Variants in SOS1 observed in about 807,000 individuals in gnomAD.
SOS1 encodes the protein son of sevenless homolog 1.
Under a neutral mutation model 157.6 loss-of-function variants are expected in SOS1, and 25 were observed. The observed-to-expected ratio is 0.16, with a 90% CI of 0.12 to 0.22. The LOEUF (loss-of-function observed/expected upper bound fraction) is 0.22, where lower values mean the gene tolerates loss of function less well. SOS1 is among the 10% of genes least tolerant of loss of function. SOS1 has a pLI of 1.00. For synonymous variants in SOS1, 528 were observed against 534.0 expected (o/e 0.99, Z 0.16); for missense variants, 1,237 against 1,599.1 (o/e 0.77, Z 3.86).
chr2:38,983,812 G>A lies in SOS1; in HGVS notation c.*2012C>T, dbSNP rs1373565284. The A allele has an allele frequency of 6.6e-6, 1 of 152,120 alleles. No individual in the cohort carries two copies. 9.4% of individuals were successfully genotyped at this position (152,120 alleles called of 1,614,324 possible). A position where few individuals can be genotyped will look rare whatever the true frequency, so the allele number is the denominator to read the frequency against. On this transcript the variant is annotated 3_prime_UTR_variant, in exon 23 of 23. Coordinates refer to ENST00000402219, the MANE Select transcript of SOS1 (RefSeq NM_005633.4). ...TAGTAAGTTGGCTCACATAAATACTGTTGAATGGATGGTCTTAGGGACACT... is the reference window on the plus strand; with the variant it reads ...TAGTAAGTTGGCTCACATAAATACTATTGAATGGATGGTCTTAGGGACACT...
chr2:39,118,230 G>A (rs1212660648), intron 1 of SOS1, among the ~76,000 whole-genome samples: 2 of 152,104 alleles, frequency 1.3e-5, no homozygotes, highest in East Asian at 3.9e-4. Flanking sequence ...AAGGATGAAG[G>A]GACTAGCATA....
intron 1 of SOS1, among the ~76,000 whole-genome samples, chr2:39,110,997 G>A (rs1673411854): frequency 6.6e-6 from 1 of 152,048 alleles, no homozygotes; most frequent in South Asian, 2.1e-4. Context: ...CTTTGGGAGG[G>A]CGAGGCAGGT....
chr2:39,086,550 CCCTAT>C (rs1452094919), intron 1 of SOS1, among the ~76,000 whole-genome samples: 2 of 152,096 alleles, frequency 1.3e-5, no homozygotes, highest in Non-Finnish European at 2.9e-5. Context: ...TCATATAATG[CCCTAT>C]CCTATCAAAA....
At chr2:39,057,160 G>C (rs1671241421) in intron 3 of SOS1, among the ~76,000 whole-genome samples, 1 of 152,156 alleles carries the variant, frequency 6.6e-6, no homozygotes, top group African/African-American at 2.4e-5. Context: ...TTGGGGAAGG[G>C]AGCAAATGCT....
intron 2 of SOS1, among the ~76,000 whole-genome samples, chr2:39,063,502 T>C (rs559075796): frequency 2.0e-5 from 3 of 152,366 alleles, no homozygotes; most frequent in East Asian, 1.9e-4. Context: ...CACTGCCTGA[T>C]GGTAAATACT....
At position 38,997,055 on chromosome 2, in the gene SOS1, G is replaced by A; in HGVS notation, c.2965-17C>T. Reference sequence around the variant, plus strand: ...AAAGAACCTCTAAAATAAATGCAAAGAAAAAATTATTAATATTCAAAATTA... The same window carrying A: ...AAAGAACCTCTAAAATAAATGCAAAAAAAAAATTATTAATATTCAAAATTA... On this transcript the variant is annotated splice_polypyrimidine_tract_variant and intron_variant, in intron 18 of 22. Coordinates refer to ENST00000402219, the MANE Select transcript of SOS1 (RefSeq NM_005633.4). 1 of 1,320,772 alleles carries A rather than the reference G, an allele frequency of 7.6e-7. No homozygotes were observed. The highest frequency in any genetic ancestry group is 1.7e-5 in the Admixed American group (1 of 58,222). The allele number at this position is 1,320,772 out of a possible 1,614,324, so 81.8% of individuals were successfully genotyped here.
At chr2:39,082,543 G>A (rs1488605509) in intron 1 of SOS1, 1 of 152,150 alleles carries the variant, frequency 6.6e-6, no homozygotes, top group African/African-American at 2.4e-5. Context: ...ATTTATTAGA[G>A]TACAGGTTGA....
chr2:38,997,135 T>G, intron 18 of SOS1, 97 bp from the exon 19 acceptor site: 1 of 1,056,684 alleles, frequency 9.5e-7, no homozygotes, highest in African/African-American at 1.6e-5. Context: ...ACAAGTAAAT[T>G]TGAATTATTT....
chr2:39,120,187 G>C, intron 1 of SOS1, 149 bp downstream of exon 1: 1 of 619,082 alleles, frequency 1.6e-6, no homozygotes, highest in Non-Finnish European at 2.5e-6. Flanking sequence ...AGCCGTATGA[G>C]GGGGGCCTCT....
chr2:39,021,321 A>G (rs1050154960), intron 10 of SOS1, among the ~76,000 whole-genome samples: 3 of 151,606 alleles, frequency 2.0e-5, no homozygotes, highest in African/African-American at 7.2e-5. Flanking sequence ...TCCCCAGACA[A>G]TAGTTGTAAC....
rs191060930 is a variant in SOS1 at position 39,081,697 on chromosome 2, C to T, written c.88-13944G>A. Among the ~76,000 whole-genome samples the T allele has an allele frequency of 7.9e-3, 1,204 of 151,674 alleles. 17 individuals carry two copies. The highest frequency in any genetic ancestry group is 0.028 in the African/African-American group (1,160 of 41,310). ...AAAATTAGCCAGGCTTGGCGGCGGG[C>T]GCCTGTAATCCCAGCTACTTGGAAG... On this transcript the variant is annotated intron_variant, in intron 1 of 22. Coordinates refer to ENST00000402219, the MANE Select transcript of SOS1 (RefSeq NM_005633.4).
At chr2:39,001,923 C>T (rs1319232819) in intron 17 of SOS1, among the ~76,000 whole-genome samples, 3 of 152,188 alleles carry the variant, frequency 2.0e-5, no homozygotes, top group East Asian at 3.8e-4. Flanking sequence ...TATCAAACTA[C>T]CTACATGTTT....
intron 1 of SOS1, among the ~76,000 whole-genome samples, chr2:39,115,918 T>G (rs1468191740): frequency 6.6e-6 from 1 of 152,184 alleles, no homozygotes; most frequent in East Asian, 1.9e-4. Flanking sequence ...CTTACACATC[T>G]AGAAGTTCCA....
At chr2:38,993,001 T>A (rs941944322) in intron 20 of SOS1, 7 of 151,778 alleles carry the variant, frequency 4.6e-5, no homozygotes, top group African/African-American at 1.5e-4. Context: ...TTTGGAAGGT[T>A]AAGGCAGGAG....
Position 38,985,692 on chromosome 2 carries a change from T to C in SOS1, c.*132A>G, listed in dbSNP as rs1223702498. The C allele has an allele frequency of 5.8e-6, 6 of 1,030,884 alleles. No individual in the cohort carries two copies. Among genetic ancestry groups the C allele is most frequent in the African/African-American group, 1.6e-5 (1 of 63,464 alleles). 63.9% of individuals were successfully genotyped at this position (1,030,884 alleles called of 1,614,324 possible). On this transcript the variant is annotated 3_prime_UTR_variant, in exon 23 of 23. Transcript: ENST00000402219. ...ATCTAGGTTAAAATTCATTGTCTTA[T>C]ACTGCATCTTGAAGAAGAGTCGTTA... is the stretch of plus-strand genomic sequence containing the variant.
rs181871438 is a variant in SOS1, at chr2:39,081,700, C to T, written c.88-13947G>A. Among the ~76,000 whole-genome samples, 77 of 152,030 alleles carry T rather than the reference C, an allele frequency of 5.1e-4. 4 individuals carry two copies. In the East Asian group the frequency reaches 0.015, roughly 29 times the overall value. On this transcript the variant is annotated intron_variant, in intron 1 of 22. Transcript: ENST00000402219. ...ATTAGCCAGGCTTGGCGGCGGGCGC[C>T]TGTAATCCCAGCTACTTGGAAGGCT...
chr2:39,007,410 A>C (rs988680544), intron 15 of SOS1: 7 of 541,370 alleles, frequency 1.3e-5, no homozygotes, highest in African/African-American at 1.1e-4. Flanking sequence ...ACAGTCAAAC[A>C]ATCATTTTCC....
chr2:39,081,697 C>A (rs191060930), intron 1 of SOS1, among the ~76,000 whole-genome samples: 4 of 151,568 alleles, frequency 2.6e-5, no homozygotes, highest in Non-Finnish European at 4.4e-5. Context: ...TGGCGGCGGG[C>A]GCCTGTAATC....
chr2:39,077,939 A>G (rs930519751), intron 1 of SOS1, among the ~76,000 whole-genome samples: 4 of 152,234 alleles, frequency 2.6e-5, no homozygotes, highest in African/African-American at 4.8e-5. Flanking sequence ...AAATGAAGAA[A>G]AATTCTAATT....
Sources: gnomAD v4.1 joint callset for allele counts (sites outside exome capture counted in the v4.1 genomes callset) on GRCh38, gnomAD v4.1.1 for gene constraint, MANE v1.5 for transcripts, NCBI Gene and HGNC (gene_info 2026-07-23, HGNC 2026-07-21) for gene names.